SSPN: variants seen among roughly 807,000 people sequenced by gnomAD.
The protein encoded by SSPN is K-ras oncogene-associated protein.
Under a neutral mutation model 19.1 loss-of-function variants are expected in SSPN, and 15 were observed. That is an observed-to-expected ratio of 0.78 (90% CI 0.52 to 1.21). The LOEUF (loss-of-function observed/expected upper bound fraction) is 1.21. SSPN is among the 50% of genes most tolerant of loss of function. The pLI, the probability that SSPN is intolerant of heterozygous loss-of-function variation, is 0.00. For missense variants in SSPN, 291 were observed against 314.0 expected, an observed-to-expected ratio of 0.93 and a Z score of 0.55; for synonymous variants, 147 against 140.3, an observed-to-expected ratio of 1.05 and a Z score of -0.34.
chr12:26,171,844 A>T (rs547127891), intron 1 of SSPN, among the ~76,000 whole-genome samples: 3 of 152,250 alleles, frequency 2.0e-5, no homozygotes, highest in Admixed American at 2.0e-4. Context: ...ACTTTTTGGG[A>T]CTGTTGGAAT....
rs148364883 is a variant in SSPN at position 26,144,599 on chromosome 12, C to T, written c.-31+22447C>T. On this transcript the variant is annotated intron_variant, in intron 1 of 2. Coordinates refer to the SSPN transcript ENST00000538142. ...GCTCAGTTTTTCCATTTTTCTGTAT[C>T]AAACACAGAACAAGAGCAGGCAATG... Among the ~76,000 whole-genome samples the T allele has an allele frequency of 1.8e-4, 27 of 152,232 alleles. No individual in the cohort carries two copies. In the East Asian group the frequency reaches 4.4e-3, roughly 25 times the overall value.
upstream of SSPN, chr12:26,195,272 C>A: frequency 5.5e-6 from 1 of 182,092 alleles, no homozygotes; most frequent in Non-Finnish European, 1.1e-5. Context: ...CCTTGCATTG[C>A]ACTTCACAGA....
intron 1 of SSPN, among the ~76,000 whole-genome samples, chr12:26,215,628 T>G (rs969008625): frequency 1.3e-5 from 2 of 152,324 alleles, no homozygotes; most frequent in Admixed American, 6.5e-5. Context: ...TAACTGGTTG[T>G]TAGACATTTA....
At chr12:26,123,298 T>A (rs1944331612) in intron 1 of SSPN, 1 of 1,258,978 alleles carries the variant, frequency 7.9e-7, no homozygotes, top group East Asian at 2.6e-5. Context: ...TCCCCAGTAT[T>A]CAAGTGATAT....
At chr12:26,214,470 T>C (rs1945025518) in intron 1 of SSPN, among the ~76,000 whole-genome samples, 3 of 152,338 alleles carry the variant, frequency 2.0e-5, no homozygotes, top group Admixed American at 6.5e-5. Context: ...CATGACATTA[T>C]TGTCTCCATT....
intron 1 of SSPN, among the ~76,000 whole-genome samples, chr12:26,222,608 A>G (rs1349172563): frequency 2.0e-5 from 3 of 152,232 alleles, no homozygotes; most frequent in Non-Finnish European, 4.4e-5. Flanking sequence ...CTTATCAGGA[A>G]ATGCAATTCT....
At chr12:26,195,539 G>C, upstream of SSPN, 2 of 1,261,282 alleles carry the variant, frequency 1.6e-6, no homozygotes. Flanking sequence ...TCGGTGAGTC[G>C]GCTCCAAATG....
At chr12:26,190,626 A>T (rs569460013), upstream of SSPN, among the ~76,000 whole-genome samples, 7 of 152,344 alleles carry the variant, frequency 4.6e-5, no homozygotes, top group African/African-American at 1.4e-4. Flanking sequence ...GTAGCAATAG[A>T]TAATTAAAAC....
intron 1 of SSPN, among the ~76,000 whole-genome samples, chr12:26,222,170 T>C (rs1945128535): frequency 6.6e-6 from 1 of 152,210 alleles, no homozygotes; most frequent in Non-Finnish European, 1.5e-5. Flanking sequence ...GTTTTAATGC[T>C]GTGTCTCTCC....
chr12:26,169,595 T>TA (rs201750856), intron 1 of SSPN, among the ~76,000 whole-genome samples: 3,292 of 106,936 alleles, frequency 0.031, 63 homozygotes, highest in Non-Finnish European at 0.033. Context: ...ATATATATAT[T>TA]TTTTTTTCTT....
intron 1 of SSPN, among the ~76,000 whole-genome samples, chr12:26,137,652 A>ATT (rs1944434472): frequency 1.9e-5 from 1 of 51,652 alleles, no homozygotes; most frequent in Non-Finnish European, 3.6e-5. Flanking sequence ...ATATATATAT[A>ATT]TATATTTTTT....
rs539495309 is a variant in SSPN at position 26,220,656 on chromosome 12, G to A, written c.280-3637G>A. The stretch of plus-strand genomic sequence containing the variant: ...AATCCTTGTCTCCAACCCAGGCCTC[G>A]TTCCTGAGCTCTAAGCCCATATAGT... On this transcript the variant is annotated intron_variant, in intron 1 of 2. Coordinates refer to ENST00000242729, the MANE Select transcript of SSPN (RefSeq NM_005086.5). Among the ~76,000 whole-genome samples, 14 of 152,216 alleles carry A rather than the reference G, an allele frequency of 9.2e-5. No individual in the cohort carries two copies. In the South Asian group the frequency reaches 1.0e-3, roughly 11 times the overall value.
intron 1 of SSPN, chr12:26,124,043 G>T: frequency 7.1e-7 from 1 of 1,413,668 alleles, no homozygotes; most frequent in Non-Finnish European, 1.0e-6. Flanking sequence ...CCCTTGGAGA[G>T]CAGCAAAGAA....
intron 1 of SSPN, among the ~76,000 whole-genome samples, chr12:26,172,789 G>A (rs1412608161): frequency 6.7e-6 from 1 of 150,324 alleles, no homozygotes; most frequent in African/African-American, 2.5e-5. Context: ...TTGAAACGGA[G>A]TCTTGCTCTG....
chr12:26,231,764 G>A lies in SSPN; in HGVS notation c.*688G>A, dbSNP rs1945236048. 1 of 238,236 alleles carries A rather than the reference G, an allele frequency of 4.2e-6. No homozygotes were observed. The highest frequency in any genetic ancestry group is 2.3e-5 in the African/African-American group (1 of 42,948). The allele number at this position is 238,236 out of a possible 1,614,324, so 14.8% of individuals were successfully genotyped here. A position where few individuals can be genotyped will look rare whatever the true frequency, so the allele number is the denominator to read the frequency against. ...ATGATTGCCTCTCAATAATTGAAAG[G>A]TGGTGGTAGTTGTATTCTAAATGAT... On this transcript the variant is annotated 3_prime_UTR_variant, in exon 3 of 3. Transcript: ENST00000242729.
intron 1 of SSPN, chr12:26,125,023 T>A: frequency 1.7e-6 from 1 of 589,844 alleles, no homozygotes; most frequent in Non-Finnish European, 3.1e-6. Context: ...TTGCTCTCAC[T>A]CCAGGCAGTG....
intron 1 of SSPN, among the ~76,000 whole-genome samples, chr12:26,216,314 C>A (rs539730237): frequency 2.6e-5 from 4 of 152,162 alleles, no homozygotes; most frequent in East Asian, 1.9e-4. Flanking sequence ...GTTAGAAATG[C>A]GAATTGTCAG....
chr12:26,171,918 T>C (rs1228665835), intron 1 of SSPN, among the ~76,000 whole-genome samples: 3 of 152,202 alleles, frequency 2.0e-5, no homozygotes, highest in Admixed American at 1.3e-4. Context: ...TTGTCGCCTC[T>C]GTGATGTAGG....
chr12:26,183,869 C>T (rs143132156), intron 1 of SSPN, among the ~76,000 whole-genome samples: 2,184 of 152,282 alleles, frequency 0.014, 57 homozygotes, highest in African/African-American at 0.051. Context: ...CTGGTCATCA[C>T]CCCAAATTGT....
Sources: allele counts gnomAD v4.1 joint callset (sites outside exome capture counted in the v4.1 genomes callset), GRCh38; gene constraint gnomAD v4.1.1; transcripts MANE v1.5; gene names NCBI Gene and HGNC (gene_info 2026-07-23, HGNC 2026-07-21).